Variants in FRYL observed in about 807,000 individuals in gnomAD.
FRYL encodes FRY like transcription coactivator, also known as protein furry homolog-like.
Under a neutral mutation model 351.2 loss-of-function variants are expected in FRYL, and 150 were observed. That is an observed-to-expected ratio of 0.43 (90% CI 0.37 to 0.49). The LOEUF (loss-of-function observed/expected upper bound fraction) is 0.49. Among genes scored for constraint, FRYL ranks in the 20% least tolerant of loss-of-function variants. FRYL has a pLI of 0.00. For synonymous variants in FRYL, 1,153 were observed against 1,257.1 expected (o/e 0.92, Z 1.75); for missense variants, 3,036 against 3,619.3 (o/e 0.84, Z 4.13).
At chr4:48,578,355 G>A (rs542738080) in intron 23 of FRYL, among the ~76,000 whole-genome samples, 51 of 152,224 alleles carry the variant, frequency 3.4e-4, no homozygotes, top group Non-Finnish European at 6.3e-4. Flanking sequence ...GTGATCAGTG[G>A]TGTACTCTGT....
chr4:48,683,608 C>T (rs1764884289), intron 3 of FRYL, among the ~76,000 whole-genome samples: 1 of 151,950 alleles, frequency 6.6e-6, no homozygotes, highest in Non-Finnish European at 1.5e-5. Context: ...TTTATTAATA[C>T]AAATCCTGTC....
At position 48,557,000 on chromosome 4, in the gene FRYL, C is replaced by T; in HGVS notation, c.4244G>A (p.Ser1415Asn). Residue 1415 changes from serine (S) to asparagine (N), a missense_variant, in exon 35 of 64, where the codon AGC (serine) becomes AAC (asparagine). Transcript: ENST00000358350. ...TACGTAAGGCAAGAGGCTTGGTTCGCTATTCACCCCACAAATGCTGATCAA... is the reference window on the plus strand; with the variant it reads ...TACGTAAGGCAAGAGGCTTGGTTCGTTATTCACCCCACAAATGCTGATCAA... ...HFLISICGVN[S>N]EPSLLPYVKK... The T allele has an allele frequency of 6.2e-7, 1 of 1,601,086 alleles. No homozygotes were observed. The highest frequency in any genetic ancestry group is 8.5e-7 in the Non-Finnish European group (1 of 1,172,486).
chr4:48,761,269 G>A (rs540288223), intron 1 of FRYL, among the ~76,000 whole-genome samples: 1 of 152,232 alleles, frequency 6.6e-6, no homozygotes, highest in Admixed American at 6.5e-5. Flanking sequence ...TATGTGAAAA[G>A]GTGACACAGA....
At chr4:48,599,042 C>T (rs552254186) in intron 13 of FRYL, among the ~76,000 whole-genome samples, 63 of 152,078 alleles carry the variant, frequency 4.1e-4, no homozygotes, top group African/African-American at 1.4e-3. Context: ...AAAAATCTCA[C>T]GATTTGGGCA....
At chr4:48,606,097 G>GTAAAA (rs1746749149) in intron 10 of FRYL, among the ~76,000 whole-genome samples, 1 of 57,544 alleles carries the variant, frequency 1.7e-5, no homozygotes, top group Non-Finnish European at 3.3e-5. Context: ...CTCTACTAAA[G>GTAAAA]AAAAAAAAAA....
chr4:48,613,333 C>T lies in FRYL; in HGVS notation c.412-3510G>A, dbSNP rs144669908. On this transcript the variant is annotated intron_variant, in intron 7 of 63. Coordinates refer to ENST00000358350, the MANE Select transcript of FRYL (RefSeq NM_015030.2). ...GACATTTCAGATTAGGGATGCTCAACCTGTATATACAGGGTTTGATATTAT... is the reference window on the plus strand; with the variant it reads ...GACATTTCAGATTAGGGATGCTCAATCTGTATATACAGGGTTTGATATTAT... Among the ~76,000 whole-genome samples, 7 of 152,264 alleles carry T rather than the reference C, an allele frequency of 4.6e-5. No homozygotes were observed. In the East Asian group the frequency reaches 1.4e-3, roughly 29 times the overall value.
At chr4:48,700,779 G>A (rs1292646197) in intron 2 of FRYL, among the ~76,000 whole-genome samples, 1 of 151,452 alleles carries the variant, frequency 6.6e-6, no homozygotes, top group African/African-American at 2.4e-5. Flanking sequence ...TTCAGCCTGG[G>A]TGACAAAGCA....
rs373220603 is a variant in FRYL at position 48,505,546 on chromosome 4, C to G, written c.8463+1G>C. 2.5e-6 allele frequency: 4 copies of G among 1,591,314 alleles called. No homozygotes were observed. Among genetic ancestry groups the G allele is most frequent in the Non-Finnish European group, 3.4e-6 (4 of 1,161,876 alleles). ...TGCAAAAACAGGAACAAGAAACTTACTTGTGCATCTGTGTTTATCCTATAC... is the reference window on the plus strand; with the variant it reads ...TGCAAAAACAGGAACAAGAAACTTAGTTGTGCATCTGTGTTTATCCTATAC... On this transcript the variant is annotated splice_donor_variant, in intron 60 of 63. Transcript: ENST00000358350. LOFTEE classifies it high-confidence loss of function.
chr4:48,596,434 C>T (rs538915212), intron 13 of FRYL, among the ~76,000 whole-genome samples: 5 of 152,076 alleles, frequency 3.3e-5, no homozygotes, highest in South Asian at 4.1e-4. Flanking sequence ...TTTGCATTTA[C>T]GAAATAATGC....
rs116423459 is a variant in FRYL, at chr4:48,642,334, C to T, written c.-80-7844G>A. 2.3e-3 allele frequency among the ~76,000 whole-genome samples: 353 copies of T among 152,182 alleles called. 1 individual carries two copies. Among genetic ancestry groups the T allele is most frequent in the African/African-American group, 8.1e-3 (338 of 41,528 alleles). ...ACCTCTTGTCTAGTATCTGACACAC[C>T]TCCATTAACTCGTCTTCTTTTGTGT... On this transcript the variant is annotated intron_variant, in intron 3 of 63. Transcript: ENST00000358350.
intron 1 of FRYL, among the ~76,000 whole-genome samples, chr4:48,717,579 C>A (rs1387461070): frequency 6.6e-6 from 1 of 151,576 alleles, no homozygotes; most frequent in Non-Finnish European, 1.5e-5. Flanking sequence ...TTGACTCTGT[C>A]ACCTAGGCTG....
intron 47 of FRYL, among the ~76,000 whole-genome samples, chr4:48,537,565 T>C (rs1320974236): frequency 2.0e-5 from 3 of 152,192 alleles, no homozygotes; most frequent in African/African-American, 4.8e-5. Flanking sequence ...AGTGGGAGAA[T>C]AATTAAGGAA....
At chr4:48,602,796 T>G (rs1745968378) in intron 12 of FRYL, among the ~76,000 whole-genome samples, 1 of 152,162 alleles carries the variant, frequency 6.6e-6, no homozygotes. Context: ...TTTATGACAG[T>G]GATCCCCTGA....
chr4:48,724,308 C>T (rs1051913983), intron 1 of FRYL, among the ~76,000 whole-genome samples: 1 of 152,040 alleles, frequency 6.6e-6, no homozygotes, highest in African/African-American at 2.4e-5. Context: ...CCTGCTATCC[C>T]TCAAACTCAA....
intron 1 of FRYL, among the ~76,000 whole-genome samples, chr4:48,753,429 T>C (rs1487300430): frequency 6.6e-6 from 1 of 152,178 alleles, no homozygotes; most frequent in Non-Finnish European, 1.5e-5. Flanking sequence ...ACTCATTTTT[T>C]AACTGTTGTT....
chr4:48,526,251 T>C (rs1470988076), intron 53 of FRYL, among the ~76,000 whole-genome samples: 1 of 152,166 alleles, frequency 6.6e-6, no homozygotes, highest in Non-Finnish European at 1.5e-5. Flanking sequence ...TTAAGGCATT[T>C]TGGTCTTCTT....
intron 3 of FRYL, among the ~76,000 whole-genome samples, chr4:48,675,721 G>A (rs1200989694): frequency 6.6e-6 from 1 of 152,360 alleles, no homozygotes; most frequent in African/African-American, 2.4e-5. Context: ...GGGCTGAGGA[G>A]TGCGAGTGCA....
chr4:48,685,315 C>G (rs1003388019), intron 2 of FRYL, among the ~76,000 whole-genome samples: 3 of 152,110 alleles, frequency 2.0e-5, no homozygotes, highest in African/African-American at 7.2e-5. Context: ...ATCTTTTTAA[C>G]AATTTTCTCT....
intron 17 of FRYL, 31 bp downstream of exon 17, chr4:48,590,628 C>A: frequency 2.0e-6 from 3 of 1,487,738 alleles, no homozygotes; most frequent in Non-Finnish European, 2.8e-6. Flanking sequence ...AACTGTATTA[C>A]AAAGCAACAT....
Sources: allele counts gnomAD v4.1 joint callset (sites outside exome capture counted in the v4.1 genomes callset), GRCh38; gene constraint gnomAD v4.1.1; transcripts MANE v1.5; gene names NCBI Gene and HGNC (gene_info 2026-07-23, HGNC 2026-07-21).